The following RAD51B variants were observed in gnomAD, a reference collection of about 807,000 sequenced individuals.
The protein encoded by RAD51B is DNA repair protein RAD51 homolog 2.
RAD51B carries 38 observed loss-of-function variants against 42.2 expected under a neutral mutation model. The observed-to-expected ratio is 0.90, with a 90% CI of 0.70 to 1.18. The LOEUF (loss-of-function observed/expected upper bound fraction) is 1.18. Ranked by LOEUF, RAD51B falls within the 50% of genes most tolerant of loss-of-function variation. The pLI is 0.00. For synonymous variants in RAD51B, 154 were observed against 145.2 expected, an observed-to-expected ratio of 1.06 and a Z score of -0.43; for missense variants, 373 against 400.7, an observed-to-expected ratio of 0.93 and a Z score of 0.59.
intron 7 of RAD51B, among the ~76,000 whole-genome samples, chr14:68,262,874 A>G (rs928083228): frequency 1.3e-5 from 2 of 152,152 alleles, no homozygotes; most frequent in Non-Finnish European, 2.9e-5. Context: ...ATACTTCTCT[A>G]CGACTATCCA....
chr14:68,449,669 C>T (rs2085507527), intron 9 of RAD51B, among the ~76,000 whole-genome samples: 1 of 152,156 alleles, frequency 6.6e-6, no homozygotes, highest in African/African-American at 2.4e-5. Flanking sequence ...ACTGAGGTCT[C>T]CAGGCTCTTG....
intron 9 of RAD51B, among the ~76,000 whole-genome samples, chr14:68,426,060 CTT>C (rs2084841592): frequency 1.3e-5 from 2 of 148,282 alleles, no homozygotes; most frequent in African/African-American, 2.5e-5. Flanking sequence ...CTCTCTCTCT[CTT>C]TCTTTCTTTC....
chr14:68,561,856 T>C (rs924604507), intron 10 of RAD51B: 4 of 687,452 alleles, frequency 5.8e-6, no homozygotes, highest in Non-Finnish European at 5.4e-6. Context: ...GTCTGGTCTC[T>C]GTAGTTTCCT....
At chr14:68,363,901 C>A (rs575204778) in intron 8 of RAD51B, among the ~76,000 whole-genome samples, 14 of 152,320 alleles carry the variant, frequency 9.2e-5, no homozygotes, top group African/African-American at 3.4e-4. Context: ...GAAGGGGCCA[C>A]ATCGGTCAGT....
chr14:68,548,465 C>T (rs1033627003), intron 10 of RAD51B, among the ~76,000 whole-genome samples: 1 of 152,212 alleles, frequency 6.6e-6, no homozygotes, highest in African/African-American at 2.4e-5. Context: ...GATTGCAGAG[C>T]GGGTTGTGGG....
chr14:67,977,603 A>G (rs2075019586), intron 7 of RAD51B, among the ~76,000 whole-genome samples: 1 of 152,246 alleles, frequency 6.6e-6, no homozygotes, highest in Non-Finnish European at 1.5e-5. Flanking sequence ...TAAGGAATTT[A>G]CTTTTATCTT....
chr14:67,952,172 TAC>T (rs1371102566), intron 7 of RAD51B, among the ~76,000 whole-genome samples: 1 of 151,464 alleles, frequency 6.6e-6, no homozygotes, highest in East Asian at 1.9e-4. Flanking sequence ...AACCAATTGT[TAC>T]ACAAACCATA....
At chr14:68,547,515 G>C (rs545542553) in intron 10 of RAD51B, among the ~76,000 whole-genome samples, 2 of 152,276 alleles carry the variant, frequency 1.3e-5, no homozygotes, top group African/African-American at 2.4e-5. Context: ...GGGTCCAGGA[G>C]CCCCGCTCAC....
intron 8 of RAD51B, among the ~76,000 whole-genome samples, chr14:68,402,695 G>T (rs1305048120): frequency 6.6e-6 from 1 of 152,166 alleles, no homozygotes; most frequent in Admixed American, 6.5e-5. Flanking sequence ...AGGGCACAGC[G>T]ATTCAAAGAC....
At chr14:68,577,761 CAG>C (rs1491009920) in intron 10 of RAD51B, among the ~76,000 whole-genome samples, 1 of 152,190 alleles carries the variant, frequency 6.6e-6, no homozygotes, top group Non-Finnish European at 1.5e-5. Flanking sequence ...CACACACACA[CAG>C]TTAAAGGCAG....
At chr14:68,275,506 A>C (rs2081202923) in intron 7 of RAD51B, among the ~76,000 whole-genome samples, 1 of 151,904 alleles carries the variant, frequency 6.6e-6, no homozygotes, top group African/African-American at 2.4e-5. Context: ...TCCTTTCTCT[A>C]GGGTAGGAAA....
At chr14:68,021,912 T>A (rs1332672613) in intron 7 of RAD51B, among the ~76,000 whole-genome samples, 1 of 152,242 alleles carries the variant, frequency 6.6e-6, no homozygotes, top group Non-Finnish European at 1.5e-5. Context: ...CTTGCCTTGA[T>A]GTTGATGGCT....
intron 7 of RAD51B, among the ~76,000 whole-genome samples, chr14:67,897,065 C>G (rs1490313959): frequency 3.3e-5 from 5 of 152,162 alleles, no homozygotes; most frequent in South Asian, 2.1e-4. Context: ...AGATTGGGCC[C>G]TTATTTTATA....
At chr14:67,978,911 G>A (rs925948439) in intron 7 of RAD51B, among the ~76,000 whole-genome samples, 2 of 152,192 alleles carry the variant, frequency 1.3e-5, no homozygotes, top group Non-Finnish European at 2.9e-5. Flanking sequence ...TTTGCCACAT[G>A]AAACTGTATA....
chr14:68,164,842 T>G (rs1427791821), intron 7 of RAD51B, among the ~76,000 whole-genome samples: 1 of 152,198 alleles, frequency 6.6e-6, no homozygotes, highest in African/African-American at 2.4e-5. Flanking sequence ...GATAAATACC[T>G]GCCAGCCAAG....
At chr14:68,540,275 A>G (rs1308941186) in intron 10 of RAD51B, 1 of 1,033,318 alleles carries the variant, frequency 9.7e-7, no homozygotes, top group Non-Finnish European at 1.2e-6. Context: ...TTCAAGGTTC[A>G]AGAGCCTAGG....
intron 7 of RAD51B, among the ~76,000 whole-genome samples, chr14:68,118,371 T>C (rs1178710492): frequency 6.6e-6 from 1 of 152,232 alleles, no homozygotes; most frequent in East Asian, 1.9e-4. Context: ...TTGCATTTAG[T>C]TGTCATGACT....
At chr14:68,566,079 CCTCT>C (rs1368185527) in intron 10 of RAD51B, among the ~76,000 whole-genome samples, 1 of 152,226 alleles carries the variant, frequency 6.6e-6, no homozygotes, top group Non-Finnish European at 1.5e-5. Context: ...CACTCTTCAC[CCTCT>C]CTCCTGATTT....
At chr14:68,063,446 T>C (rs2076600471) in intron 7 of RAD51B, among the ~76,000 whole-genome samples, 1 of 151,936 alleles carries the variant, frequency 6.6e-6, no homozygotes, top group South Asian at 2.1e-4. Context: ...CATTTAAAAG[T>C]GTATGGGGGC....
Sources: allele counts gnomAD v4.1 joint callset (sites outside exome capture counted in the v4.1 genomes callset), GRCh38; gene constraint gnomAD v4.1.1; transcripts MANE v1.5; gene names NCBI Gene and HGNC (gene_info 2026-07-23, HGNC 2026-07-21).